The following LRRC49 variants were observed in gnomAD, a reference collection of about 807,000 sequenced individuals.
LRRC49 encodes the protein leucine-rich repeat-containing protein 49.
In LRRC49, 50 loss-of-function variants were observed where a neutral mutation model predicts 83.3. The ratio of observed to expected loss-of-function variants is 0.60; its 90% CI spans 0.48 to 0.76. The LOEUF (loss-of-function observed/expected upper bound fraction) is 0.76, where lower values mean the gene tolerates loss of function less well. Ranked by LOEUF, LRRC49 falls within the 30% of genes least tolerant of loss-of-function variation. The pLI is 0.00. For missense variants in LRRC49, 704 were observed against 809.1 expected (o/e 0.87, Z 1.58); for synonymous variants, 286 against 283.3 (o/e 1.01, Z -0.10).
In LRRC49 at chr15:71,030,940, G is replaced by T. The variant is rs185361725; in HGVS notation, c.1704-6239G>T. On this transcript the variant is annotated intron_variant, in intron 14 of 15. Coordinates refer to ENST00000260382, the MANE Select transcript of LRRC49 (RefSeq NM_017691.5). ...CTGTAACCTTTTATCAAGAACATTG[G>T]GTTAGACCATGCTCCTTTAGCTCAA... Among the ~76,000 whole-genome samples, 21 of 151,984 alleles carry T rather than the reference G, an allele frequency of 1.4e-4. No homozygotes were observed. The East Asian group carries it at 3.9e-3, about 28-fold the overall frequency.
At chr15:70,928,298 G>A (rs998137501) in intron 7 of LRRC49, among the ~76,000 whole-genome samples, 1 of 151,986 alleles carries the variant, frequency 6.6e-6, no homozygotes, top group Admixed American at 6.6e-5. Flanking sequence ...TACTTTTTAT[G>A]TATGCATAAA....
chr15:70,936,795 T>C lies in LRRC49; in HGVS notation c.746T>C (p.Leu249Pro). The change falls in exon 8 of 16, where the codon CTC becomes CCC. Residue 249 changes from leucine to proline, a missense_variant. By Grantham distance (98) the Leu-to-Pro change is moderately conservative (BLOSUM62 -3). Coordinates refer to ENST00000260382, the MANE Select transcript of LRRC49 (RefSeq NM_017691.5). The stretch of plus-strand genomic sequence containing the variant: ...GATAATTTGCCCTGCCTCCAACATC[T>C]CTTTCTCAGCTTTAACAATATATCT... Reference protein sequence around the residue: ...DVDNLPCLQHLFLSFNNISSF... With the variant: ...DVDNLPCLQHPFLSFNNISSF... 2 of 1,611,522 alleles carry C rather than the reference T, an allele frequency of 1.2e-6. No individual in the cohort carries two copies. The highest frequency in any genetic ancestry group is 1.7e-6 in the Non-Finnish European group (2 of 1,177,924).
chr15:70,954,306 A>T (rs1166861917), intron 8 of LRRC49, among the ~76,000 whole-genome samples: 1 of 152,074 alleles, frequency 6.6e-6, no homozygotes, highest in Non-Finnish European at 1.5e-5. Context: ...GTCTTTTTTT[A>T]AATGGTTATG....
chr15:70,865,392 T>C (rs2032887746), intron 1 of LRRC49, among the ~76,000 whole-genome samples: 1 of 152,114 alleles, frequency 6.6e-6, no homozygotes. Context: ...AAAACCACAA[T>C]ATCATGGTTG....
At chr15:70,887,373 T>C (rs2033438441) in intron 2 of LRRC49, among the ~76,000 whole-genome samples, 1 of 152,152 alleles carries the variant, frequency 6.6e-6, no homozygotes, top group African/African-American at 2.4e-5. Context: ...CTAAATATTT[T>C]ATTTTAGCTA....
At chr15:70,936,114 G>A (rs2035588683) in intron 7 of LRRC49, among the ~76,000 whole-genome samples, 2 of 151,982 alleles carry the variant, frequency 1.3e-5, no homozygotes, top group Admixed American at 1.3e-4. Context: ...AACAGCAGTG[G>A]TATGTTTTTG....
In LRRC49 at chr15:71,049,670, T is replaced by C; in HGVS notation, c.*58T>C. On this transcript the variant is annotated 3_prime_UTR_variant, in exon 16 of 16. Coordinates refer to ENST00000260382, the MANE Select transcript of LRRC49 (RefSeq NM_017691.5). Reference sequence around the variant, plus strand: ...TTTTATTTTTTGAAGGTTGAAAATATGCAGGTTATACATGTTAAAACAACA... The same window carrying C: ...TTTTATTTTTTGAAGGTTGAAAATACGCAGGTTATACATGTTAAAACAACA... The C allele has an allele frequency of 8.6e-7, 1 of 1,157,720 alleles. No individual in the cohort carries two copies. Among genetic ancestry groups the C allele is most frequent in the Non-Finnish European group, 1.3e-6 (1 of 780,932 alleles). 71.7% of individuals were successfully genotyped at this position (1,157,720 alleles called of 1,614,324 possible). A position where few individuals can be genotyped will look rare whatever the true frequency, so the allele number is the denominator to read the frequency against.
At chr15:71,013,842 TA>T (rs2038739740) in intron 14 of LRRC49, among the ~76,000 whole-genome samples, 1 of 152,206 alleles carries the variant, frequency 6.6e-6, no homozygotes, top group Non-Finnish European at 1.5e-5. Context: ...GCCTCCTTGC[TA>T]TGGTCATGGA....
intron 7 of LRRC49, among the ~76,000 whole-genome samples, chr15:70,924,122 G>T (rs529224536): frequency 1.3e-4 from 19 of 151,792 alleles, no homozygotes; most frequent in Non-Finnish European, 2.4e-4. Context: ...TGTATTTCAT[G>T]ACATTGACAT....
intron 9 of LRRC49, among the ~76,000 whole-genome samples, chr15:70,967,116 T>A (rs1457997454): frequency 6.6e-6 from 1 of 152,016 alleles, no homozygotes; most frequent in Non-Finnish European, 1.5e-5. Context: ...AATAAAGGCA[T>A]GCAAAATGCA....
intron 6 of LRRC49, 85 bp from the exon 7 acceptor site, chr15:70,918,965 C>T (rs780317129): frequency 1.0e-5 from 11 of 1,096,400 alleles, no homozygotes; most frequent in East Asian, 4.9e-5. Context: ...CTAGTGACTT[C>T]GAATATTTTA....
chr15:70,867,539 G>T (rs2032938940), intron 1 of LRRC49, among the ~76,000 whole-genome samples: 1 of 152,068 alleles, frequency 6.6e-6, no homozygotes, highest in African/African-American at 2.4e-5. Flanking sequence ...GAAAACTAAG[G>T]CTCAGCAAAA....
Position 71,050,429 on chromosome 15 carries a change from A to G in LRRC49, c.*817A>G, listed in dbSNP as rs1209100634. 2.0e-5 allele frequency: 3 copies of G among 152,204 alleles called. No individual in the cohort carries two copies. Among genetic ancestry groups the G allele is most frequent in the Non-Finnish European group, 2.9e-5 (2 of 68,044 alleles). The allele number at this position is 152,204 out of a possible 1,614,324, so 9.4% of individuals were successfully genotyped here. A position where few individuals can be genotyped will look rare whatever the true frequency, so the allele number is the denominator to read the frequency against. ...TACCTGTGTCTCAGAAGTATTAGGG[A>G]TGCATGAGTGAAGGGTTCTAATTTT... On this transcript the variant is annotated 3_prime_UTR_variant, in exon 16 of 16. Coordinates refer to ENST00000260382, the MANE Select transcript of LRRC49 (RefSeq NM_017691.5).
At chr15:70,877,870 C>A (rs1189593028) in intron 2 of LRRC49, among the ~76,000 whole-genome samples, 1 of 152,234 alleles carries the variant, frequency 6.6e-6, no homozygotes, top group African/African-American at 2.4e-5. Context: ...TGGCTCACGC[C>A]TGTAATCCCA....
At chr15:71,019,051 A>G (rs772083605) in intron 14 of LRRC49, among the ~76,000 whole-genome samples, 4 of 152,224 alleles carry the variant, frequency 2.6e-5, no homozygotes, top group Non-Finnish European at 5.9e-5. Flanking sequence ...CTCCAGGCAT[A>G]CCACCCTTCA....
chr15:70,953,710 G>A (rs995161467), intron 8 of LRRC49, among the ~76,000 whole-genome samples: 2 of 152,084 alleles, frequency 1.3e-5, no homozygotes, highest in African/African-American at 2.4e-5. Context: ...CCTCAAATAC[G>A]TTTTCCAGGT....
At chr15:70,953,857 G>A (rs951790391) in intron 8 of LRRC49, among the ~76,000 whole-genome samples, 1 of 151,790 alleles carries the variant, frequency 6.6e-6, no homozygotes, top group African/African-American at 2.4e-5. Context: ...TTGCTTCAAA[G>A]GAGTGACCTT....
At chr15:70,991,569 G>C (rs1169754740) in intron 11 of LRRC49, among the ~76,000 whole-genome samples, 1 of 152,234 alleles carries the variant, frequency 6.6e-6, no homozygotes, top group African/African-American at 2.4e-5. Flanking sequence ...GCAAGTTCAA[G>C]TTTTGCTTTT....
At chr15:70,861,649 A>G (rs1238394955) in intron 1 of LRRC49, among the ~76,000 whole-genome samples, 1 of 152,186 alleles carries the variant, frequency 6.6e-6, no homozygotes, top group Non-Finnish European at 1.5e-5. Flanking sequence ...TTTGTGGCAT[A>G]TTATCAAATT....
Sources: gnomAD v4.1 joint callset for allele counts (sites outside exome capture counted in the v4.1 genomes callset) on GRCh38, gnomAD v4.1.1 for gene constraint, MANE v1.5 for transcripts, NCBI Gene and HGNC (gene_info 2026-07-23, HGNC 2026-07-21) for gene names.